Variants in SCYL2 observed in about 807,000 individuals in gnomAD.
The protein encoded by SCYL2 is SCY1-like protein 2.
A neutral mutation model predicts 100.4 loss-of-function variants in SCYL2; 36 were observed. The observed-to-expected ratio is 0.36, with a 90% CI of 0.27 to 0.47. The LOEUF is 0.47. SCYL2 is among the 20% of genes least tolerant of loss of function. The pLI is 1.00. For missense variants in SCYL2, 902 were observed against 1,083.9 expected (o/e 0.83, Z 2.36); for synonymous variants, 330 against 359.2 (o/e 0.92, Z 0.92).
chr12:100,340,033 T>C lies in SCYL2; in HGVS notation c.*861T>C, dbSNP rs1055265020. On this transcript the variant is annotated 3_prime_UTR_variant, in exon 18 of 18. Coordinates refer to ENST00000360820, the MANE Select transcript of SCYL2 (RefSeq NM_017988.6). Reference sequence around the variant, plus strand: ...CTTCTGAGGTTGCAGCATATATGAATTGCATTTTCAAAAGAAGATTTGTAA... The same window carrying C: ...CTTCTGAGGTTGCAGCATATATGAACTGCATTTTCAAAAGAAGATTTGTAA... The C allele has an allele frequency of 6.6e-6, 1 of 152,618 alleles. No homozygotes were observed. The highest frequency in any genetic ancestry group is 2.4e-5 in the African/African-American group (1 of 41,472). 9.5% of individuals were successfully genotyped at this position (152,618 alleles called of 1,614,324 possible). A position where few individuals can be genotyped will look rare whatever the true frequency, so the allele number is the denominator to read the frequency against.
Position 100,340,845 on chromosome 12 carries a change from C to T in SCYL2, c.*1673C>T. ...CAAATGTTTTTGTCAAATATATTCACAACTTGACCAGATTAGCTGTCCTGT... is the reference window on the plus strand; with the variant it reads ...CAAATGTTTTTGTCAAATATATTCATAACTTGACCAGATTAGCTGTCCTGT... On this transcript the variant is annotated 3_prime_UTR_variant, in exon 18 of 18. Coordinates refer to ENST00000360820, the MANE Select transcript of SCYL2 (RefSeq NM_017988.6). 1 of 152,046 alleles carries T rather than the reference C, an allele frequency of 6.6e-6. No homozygotes were observed. The highest frequency in any genetic ancestry group is 1.5e-5 in the Non-Finnish European group (1 of 67,922). The allele number at this position is 152,046 out of a possible 1,614,324, so 9.4% of individuals were successfully genotyped here.
At chr12:100,322,984 C>T (rs929579161) in intron 10 of SCYL2, among the ~76,000 whole-genome samples, 12 of 145,562 alleles carry the variant, frequency 8.2e-5, no homozygotes, top group African/African-American at 2.8e-4. Flanking sequence ...GCTATGATTG[C>T]GTCACTGCAC....
chr12:100,302,579 T>C (rs1167906759), intron 4 of SCYL2, among the ~76,000 whole-genome samples: 5 of 152,218 alleles, frequency 3.3e-5, no homozygotes, highest in Admixed American at 3.3e-4. Flanking sequence ...TATTGAATAT[T>C]AGCCCCCACT....
At chr12:100,332,090 T>C (rs1020165577) in intron 13 of SCYL2, among the ~76,000 whole-genome samples, 1 of 152,140 alleles carries the variant, frequency 6.6e-6, no homozygotes, top group Non-Finnish European at 1.5e-5. Flanking sequence ...TAGGACAAAG[T>C]CTAGGGAAAC....
At chr12:100,312,704 C>CT in intron 6 of SCYL2, 51 bp downstream of exon 6, 1 of 1,365,466 alleles carries the variant, frequency 7.3e-7, no homozygotes, top group Non-Finnish European at 1.0e-6. Flanking sequence ...TTAAATGTGT[C>CT]TTTGATTTTT....
In SCYL2 at chr12:100,311,075, G is replaced by A; in HGVS notation, c.512G>A (p.Ser171Asn). The part of the protein sequence containing the change: ...VSEGLSFLHS[S>N]VKMVHGNITP... ...GAAGGATTGTCATTCTTGCATAGCAGTGTGAAAATGGTGCATGGAAATATC... is the reference window on the plus strand; with the variant it reads ...GAAGGATTGTCATTCTTGCATAGCAATGTGAAAATGGTGCATGGAAATATC... The change falls in exon 5 of 18, where the codon AGT (serine) becomes AAT (asparagine). Residue 171 changes from serine (S) to asparagine (N), a missense_variant. By Grantham distance (46) the Ser-to-Asn change is conservative (BLOSUM62 1). Coordinates refer to ENST00000360820, the MANE Select transcript of SCYL2 (RefSeq NM_017988.6). 1 of 1,600,624 alleles carries A rather than the reference G, an allele frequency of 6.2e-7. No individual in the cohort carries two copies. Among genetic ancestry groups the A allele is most frequent in the Non-Finnish European group, 8.5e-7 (1 of 1,174,834 alleles).
intron 2 of SCYL2, 74 bp downstream of exon 2, chr12:100,283,221 A>G: frequency 7.7e-7 from 1 of 1,300,702 alleles, no homozygotes; most frequent in Non-Finnish European, 1.1e-6. Flanking sequence ...GTGCATTTTT[A>G]TGTTAAGAAA....
chr12:100,297,934 A>G (rs1238745695), intron 3 of SCYL2, 97 bp from the exon 4 acceptor site: 2 of 959,578 alleles, frequency 2.1e-6, no homozygotes, highest in African/African-American at 3.4e-5. Context: ...TTACCTTCTT[A>G]TTGATAGTTT....
intron 11 of SCYL2, among the ~76,000 whole-genome samples, chr12:100,324,387 A>C (rs1293374982): frequency 1.3e-5 from 2 of 152,276 alleles, no homozygotes; most frequent in East Asian, 1.9e-4. Context: ...TTGCCTGACC[A>C]GTTCTTGATA....
intron 4 of SCYL2, among the ~76,000 whole-genome samples, chr12:100,309,141 C>CGT (rs1201427390): frequency 6.7e-6 from 1 of 148,706 alleles, no homozygotes; most frequent in Non-Finnish European, 1.5e-5. Flanking sequence ...TGTGCGCGCG[C>CGT]GTGTGTGCAG....
chr12:100,322,145 G>T (rs1192747795), intron 10 of SCYL2, among the ~76,000 whole-genome samples: 1 of 151,168 alleles, frequency 6.6e-6, no homozygotes, highest in Non-Finnish European at 1.5e-5. Flanking sequence ...GGCCGAGGCG[G>T]GCAGATCACG....
At chr12:100,304,788 A>T (rs1281740018) in intron 4 of SCYL2, among the ~76,000 whole-genome samples, 1 of 152,156 alleles carries the variant, frequency 6.6e-6, no homozygotes, top group East Asian at 1.9e-4. Flanking sequence ...ATAGGCTCAA[A>T]ATAAAGGAAT....
chr12:100,324,172 A>G (rs2135923386), intron 11 of SCYL2, among the ~76,000 whole-genome samples: 1 of 152,304 alleles, frequency 6.6e-6, no homozygotes. Context: ...TTTGAATACA[A>G]AATTTTAACA....
At chr12:100,332,722 T>G (rs979683250) in intron 13 of SCYL2, among the ~76,000 whole-genome samples, 6 of 151,316 alleles carry the variant, frequency 4.0e-5, no homozygotes, top group African/African-American at 1.2e-4. Context: ...ATTTTTGTTT[T>G]TTTTTTTTTT....
At chr12:100,295,952 G>A (rs1032961110) in intron 3 of SCYL2, among the ~76,000 whole-genome samples, 1 of 152,200 alleles carries the variant, frequency 6.6e-6, no homozygotes, top group African/African-American at 2.4e-5. Flanking sequence ...CCCAGCCCCA[G>A]GCCAGGGCCG....
In SCYL2 at chr12:100,311,231, G is replaced by A. The variant is rs757658920; in HGVS notation, c.630+38G>A. On this transcript the variant is annotated intron_variant, in intron 5 of 17. Coordinates refer to ENST00000360820, the MANE Select transcript of SCYL2 (RefSeq NM_017988.6). ...TTAGTCTTCTAATTTTTGAGGCCAG[G>A]GAAATTTTGATTGCATCTGGAATGG... is the stretch of plus-strand genomic sequence containing the variant. The A allele has an allele frequency of 3.8e-6, 6 of 1,562,388 alleles. No individual in the cohort carries two copies. In the East Asian group the frequency reaches 1.1e-4, roughly 30 times the overall value.
intron 1 of SCYL2, among the ~76,000 whole-genome samples, chr12:100,276,597 CAG>C (rs1265705569): frequency 1.3e-5 from 2 of 152,266 alleles, no homozygotes; most frequent in East Asian, 3.9e-4. Flanking sequence ...TTTAGTGTCC[CAG>C]AGTGTTGGGA....
intron 1 of SCYL2, among the ~76,000 whole-genome samples, chr12:100,280,848 T>A (rs2096297265): frequency 6.6e-6 from 1 of 152,064 alleles, no homozygotes; most frequent in Non-Finnish European, 1.5e-5. Flanking sequence ...GCATTTAGGA[T>A]AAATATTCAA....
At chr12:100,321,579 C>A (rs1592962434) in intron 10 of SCYL2, among the ~76,000 whole-genome samples, 1 of 152,130 alleles carries the variant, frequency 6.6e-6, no homozygotes, top group Non-Finnish European at 1.5e-5. Flanking sequence ...TCTTTTTTTC[C>A]CCCATTTCTG....
Sources: allele counts gnomAD v4.1 joint callset (sites outside exome capture counted in the v4.1 genomes callset), GRCh38; gene constraint gnomAD v4.1.1; transcripts MANE v1.5; gene names NCBI Gene and HGNC (gene_info 2026-07-23, HGNC 2026-07-21).